The following HNF1B variants were observed in gnomAD, a reference collection of about 807,000 sequenced individuals.
HNF1B encodes the protein hepatocyte nuclear factor 1-beta.
Under a neutral mutation model 61.7 loss-of-function variants are expected in HNF1B, and 8 were observed. The ratio of observed to expected loss-of-function variants is 0.13; its 90% CI spans 0.08 to 0.23. HNF1B has a LOEUF of 0.23. Ranked by LOEUF, HNF1B falls within the 10% of genes least tolerant of loss-of-function variation. The pLI is 1.00. For synonymous variants in HNF1B, 314 were observed against 287.7 expected (o/e 1.09, Z -0.93); for missense variants, 562 against 714.5 (o/e 0.79, Z 2.43).
In HNF1B at chr17:37,739,406, C is replaced by T. The variant is rs367572135; in HGVS notation, c.544+34G>A. The T allele has an allele frequency of 3.1e-6, 5 of 1,602,866 alleles. No homozygotes were observed. The African/African-American group carries it at 5.4e-5, about 17-fold the overall frequency. ...TGGGGTGAGAGGGCAAAGGTCACTT[C>T]AGGTTGAGGCAGAGGCAGGATGAAA... On this transcript the variant is annotated intron_variant, in intron 2 of 8. Transcript: ENST00000617811.
At chr17:37,731,971 G>A (rs1036890298) in intron 3 of HNF1B, 141 bp from the exon 4 acceptor site, 6 of 633,172 alleles carry the variant, frequency 9.5e-6, no homozygotes, top group African/African-American at 1.8e-5. Context: ...GGGAGGAGAG[G>A]CCTATGCAGA....
rs139830354 is a variant in HNF1B, at chr17:37,721,551, T to C, written c.1045+10044A>G. On this transcript the variant is annotated intron_variant, in intron 4 of 8. Coordinates refer to ENST00000617811, the MANE Select transcript of HNF1B (RefSeq NM_000458.4). ...ATTCACCCAAGGTCACCCTTGCTCA[T>C]TGGTGGCTCTGATCTCCTGAATCCT... Among the ~76,000 whole-genome samples, 121 of 152,214 alleles carry C rather than the reference T, an allele frequency of 7.9e-4. 1 individual carries two copies. Among genetic ancestry groups the C allele is most frequent in the African/African-American group, 2.8e-3 (115 of 41,532 alleles).
chr17:37,701,250 GC>G (rs1271337256), intron 6 of HNF1B, 73 bp from the exon 7 acceptor site: 1 of 1,429,080 alleles, frequency 7.0e-7, no homozygotes. Flanking sequence ...CATCATTTGA[GC>G]CCCCGCTCAA....
rs2034135313 is a variant in HNF1B, at chr17:37,745,055, C to T, written c.-171G>A. 1.6e-6 allele frequency: 1 copy of T among 622,650 alleles called. No homozygotes were observed. Among genetic ancestry groups the T allele is most frequent in the Admixed American group, 2.9e-5 (1 of 34,366 alleles). The allele number at this position is 622,650 out of a possible 1,614,324, so 38.6% of individuals were successfully genotyped here. A position where few individuals can be genotyped will look rare whatever the true frequency, so the allele number is the denominator to read the frequency against. ...GGCTCCTCCGAAAGGAGTCAGAAAA[C>T]TTCTAACTTGCCATGATCGCCACCA... On this transcript the variant is annotated 5_prime_UTR_variant, in exon 1 of 9. Coordinates refer to ENST00000617811, the MANE Select transcript of HNF1B (RefSeq NM_000458.4).
chr17:37,732,612 C>G (rs530564015), intron 3 of HNF1B, among the ~76,000 whole-genome samples: 1 of 152,170 alleles, frequency 6.6e-6, no homozygotes, highest in Non-Finnish European at 1.5e-5. Context: ...TTTAGAAAGT[C>G]AATACTGGAG....
chr17:37,701,106 G>A lies in HNF1B; in HGVS notation c.1411C>T (p.Pro471Ser). ...TGCAGCTGCTGGGAGAACTGGACGG[G>A]CTGCAGGGCTGCCAGGCTGCCGGCC... ...SVAGSLAALQPVQFSQQLHSP... is the reference protein window; with the variant it reads ...SVAGSLAALQSVQFSQQLHSP... Residue 471 changes from proline to serine, a missense_variant, in exon 7 of 9, where the codon CCC (proline) becomes TCC (serine). Coordinates refer to ENST00000617811, the MANE Select transcript of HNF1B (RefSeq NM_000458.4). 6.4e-7 allele frequency: 1 copy of A among 1,552,856 alleles called. No homozygotes were observed.
chr17:37,726,136 C>CTGTGTGTGTGTG (rs60311199), intron 4 of HNF1B, among the ~76,000 whole-genome samples: 3,158 of 150,434 alleles, frequency 0.021, 68 homozygotes, highest in African/African-American at 0.045. Context: ...CTGCTGGGGG[C>CTGTGTGTGTGTG]TGTGTGTGTG....
rs1357887726 is a variant in HNF1B at position 37,700,947 on chromosome 17, T to C, written c.1534+36A>G. 9 of 1,539,778 alleles carry C rather than the reference T, an allele frequency of 5.8e-6. No homozygotes were observed. The African/African-American group carries it at 8.2e-5, about 14-fold the overall frequency. ...GAAAGTGGTTGGCCACTGAGGGTCC[T>C]GAGTGCTCCCTCCCTCCACATGCCC... On this transcript the variant is annotated intron_variant, in intron 7 of 8. Transcript: ENST00000617811.
At chr17:37,738,131 C>A (rs1041031814) in intron 2 of HNF1B, among the ~76,000 whole-genome samples, 13 of 152,158 alleles carry the variant, frequency 8.5e-5, no homozygotes, top group Non-Finnish European at 1.5e-4. Context: ...TTTTTTTAGG[C>A]TTTCCAGGAA....
chr17:37,706,427 TCAGACGATAGCTCTCCCAC>T (rs2032750732), intron 5 of HNF1B, among the ~76,000 whole-genome samples: 1 of 152,060 alleles, frequency 6.6e-6, no homozygotes, highest in Non-Finnish European at 1.5e-5. Flanking sequence ...CCAGAGCTTT[TCAGACGATAGCTCTCCCAC>T]CAGCACCCAG....
intron 6 of HNF1B, among the ~76,000 whole-genome samples, chr17:37,703,540 TCAAATCTTCTAAATGGCAAA>T (rs1351924082): frequency 6.6e-6 from 1 of 152,166 alleles, no homozygotes; most frequent in Non-Finnish European, 1.5e-5. Context: ...GGCCTTTTAA[TCAAATCTTCTAAATGGCAAA>T]CAAGCTGGTT....
intron 6 of HNF1B, among the ~76,000 whole-genome samples, chr17:37,702,256 T>A (rs1028766100): frequency 2.0e-5 from 3 of 152,196 alleles, no homozygotes; most frequent in African/African-American, 7.2e-5. Flanking sequence ...GACGGTTTCA[T>A]AGGCAGGTTT....
At chr17:37,697,679 T>C (rs1641941918) in intron 8 of HNF1B, among the ~76,000 whole-genome samples, 1 of 152,030 alleles carries the variant, frequency 6.6e-6, no homozygotes, top group African/African-American at 2.4e-5. Context: ...CACAGATAAA[T>C]GTTTTCCCTG....
intron 8 of HNF1B, among the ~76,000 whole-genome samples, chr17:37,690,356 G>A (rs932137389): frequency 9.2e-5 from 14 of 152,194 alleles, no homozygotes; most frequent in Admixed American, 9.2e-4. Context: ...ATAGGGTCCT[G>A]TATGTCTCTG....
intron 4 of HNF1B, among the ~76,000 whole-genome samples, chr17:37,726,136 C>CTGCGTG (rs2033487206): frequency 6.6e-6 from 1 of 150,456 alleles, no homozygotes; most frequent in South Asian, 2.1e-4. Flanking sequence ...CTGCTGGGGG[C>CTGCGTG]TGTGTGTGTG....
At chr17:37,725,890 G>A (rs912291661) in intron 4 of HNF1B, among the ~76,000 whole-genome samples, 2 of 152,214 alleles carry the variant, frequency 1.3e-5, no homozygotes, top group Admixed American at 6.5e-5. Context: ...AGACAGTGCC[G>A]ACTGCAAGGG....
chr17:37,743,004 T>C (rs946556337), intron 1 of HNF1B, among the ~76,000 whole-genome samples: 4 of 152,214 alleles, frequency 2.6e-5, no homozygotes, highest in Non-Finnish European at 4.4e-5. Flanking sequence ...TATCTTTCTG[T>C]TGATGATTTA....
chr17:37,695,906 A>T (rs886528877), intron 8 of HNF1B, among the ~76,000 whole-genome samples: 12 of 152,204 alleles, frequency 7.9e-5, no homozygotes, highest in African/African-American at 2.9e-4. Flanking sequence ...CTTTGAGTTA[A>T]TGCTGTAATG....
intron 8 of HNF1B, among the ~76,000 whole-genome samples, chr17:37,697,335 T>C (rs1373501291): frequency 6.6e-6 from 1 of 152,184 alleles, no homozygotes; most frequent in Non-Finnish European, 1.5e-5. Flanking sequence ...TCTGGGGACA[T>C]GGAGACAATG....
Sources: gnomAD v4.1 joint callset for allele counts (sites outside exome capture counted in the v4.1 genomes callset) on GRCh38, gnomAD v4.1.1 for gene constraint, MANE v1.5 for transcripts, NCBI Gene and HGNC (gene_info 2026-07-23, HGNC 2026-07-21) for gene names.